The following CCDC85C variants were observed in gnomAD, a reference collection of about 807,000 sequenced individuals.
The protein encoded by CCDC85C is coiled-coil domain containing 85C, also known as coiled-coil domain-containing protein 85C.
CCDC85C carries 18 observed loss-of-function variants against 38.3 expected under a neutral mutation model. The ratio of observed to expected loss-of-function variants is 0.47; its 90% CI spans 0.33 to 0.70. The LOEUF (loss-of-function observed/expected upper bound fraction) is 0.70, where lower values mean the gene tolerates loss of function less well. Among genes scored for constraint, CCDC85C ranks in the 30% least tolerant of loss-of-function variants. The pLI is 0.03. For missense variants in CCDC85C, 566 were observed against 621.2 expected (o/e 0.91, Z 0.94); for synonymous variants, 264 against 293.8 (o/e 0.90, Z 1.04).
At chr14:99,517,302 C>CG in intron 3 of CCDC85C, 119 bp from the exon 4 acceptor site, 1 of 763,050 alleles carries the variant, frequency 1.3e-6, no homozygotes, top group Middle Eastern at 3.8e-4. Flanking sequence ...AAAAGGGGAC[C>CG]GGGGTGAGGC....
rs902553697 is a variant in CCDC85C, at chr14:99,502,058, T to C, written c.*13188A>G. On this transcript the variant is annotated 3_prime_UTR_variant, in exon 6 of 6. Transcript: ENST00000380243. ...ACTTAGTCGGGTACCTTTAGAAGAG[T>C]AAAGACTTGAGTTTATTTATTTATA... is the stretch of plus-strand genomic sequence containing the variant. 160 of 842,176 alleles carry C rather than the reference T, an allele frequency of 1.9e-4. No homozygotes were observed. The highest frequency in any genetic ancestry group is 3.6e-4 in the Middle Eastern group (1 of 2,740). The allele number at this position is 842,176 out of a possible 1,614,324, so 52.2% of individuals were successfully genotyped here. A position where few individuals can be genotyped will look rare whatever the true frequency, so the allele number is the denominator to read the frequency against.
rs1458364539 is a variant in CCDC85C at position 99,501,199 on chromosome 14, G to C, written c.*14047C>G. 7.8e-6 allele frequency: 5 copies of C among 638,336 alleles called. No homozygotes were observed. The highest frequency in any genetic ancestry group is 1.4e-5 in the Non-Finnish European group (5 of 357,566). The allele number at this position is 638,336 out of a possible 1,614,324, so 39.5% of individuals were successfully genotyped here. A position where few individuals can be genotyped will look rare whatever the true frequency, so the allele number is the denominator to read the frequency against. On this transcript the variant is annotated 3_prime_UTR_variant, in exon 6 of 6. Transcript: ENST00000380243. ...GGTCATGAGGAGGAAGAAGGGGTAG[G>C]ATGTGGACCCACATCATTCATCCTT...
At position 99,503,144 on chromosome 14, in the gene CCDC85C, CA is replaced by C; in HGVS notation, c.*12101del. 1.2e-6 allele frequency: 1 copy of C among 841,176 alleles called. No individual in the cohort carries two copies. Among genetic ancestry groups the C allele is most frequent in the Non-Finnish European group, 2.0e-6 (1 of 506,698 alleles). The allele number at this position is 841,176 out of a possible 1,614,324, so 52.1% of individuals were successfully genotyped here. A position where few individuals can be genotyped will look rare whatever the true frequency, so the allele number is the denominator to read the frequency against. On this transcript the variant is annotated 3_prime_UTR_variant, in exon 6 of 6. Coordinates refer to ENST00000380243, the MANE Select transcript of CCDC85C (RefSeq NM_001144995.2). ...TGCTTGTCGGTGGGGAGCCTGAAAA[CA>C]AAGGTGCTCCAAGGACAGGCTGCCT...
intron 1 of CCDC85C, among the ~76,000 whole-genome samples, chr14:99,540,215 C>G (rs368988234): frequency 3.9e-5 from 6 of 152,138 alleles, no homozygotes; most frequent in African/African-American, 1.4e-4. Flanking sequence ...CCCAATGAAG[C>G]AATGGACATT....
rs1439473986 is a variant in CCDC85C, at chr14:99,513,949, A to C, written c.*1297T>G. The C allele has an allele frequency of 6.6e-6, 1 of 152,272 alleles. No individual in the cohort carries two copies. The highest frequency in any genetic ancestry group is 1.9e-4 in the East Asian group (1 of 5,184). 9.4% of individuals were successfully genotyped at this position (152,272 alleles called of 1,614,324 possible). On this transcript the variant is annotated 3_prime_UTR_variant, in exon 6 of 6. Transcript: ENST00000380243. Reference sequence around the variant, plus strand: ...AGTTTATACATGGTCATTTACACTGAAGATCTCACTTGATGCCAGAATCCT... The same window carrying C: ...AGTTTATACATGGTCATTTACACTGCAGATCTCACTTGATGCCAGAATCCT...
Position 99,514,823 on chromosome 14 carries a change from G to A in CCDC85C, c.*423C>T, listed in dbSNP as rs1479137138. On this transcript the variant is annotated 3_prime_UTR_variant, in exon 6 of 6. Coordinates refer to ENST00000380243, the MANE Select transcript of CCDC85C (RefSeq NM_001144995.2). ...TGCCACCTGCGTCAAGACCCAGGTA[G>A]TGGTGGTCTCTGTCCAGTGTGGGTG... The A allele has an allele frequency of 3.1e-5, 5 of 161,696 alleles. No homozygotes were observed. The highest frequency in any genetic ancestry group is 5.5e-5 in the Non-Finnish European group (4 of 73,178). The allele number at this position is 161,696 out of a possible 1,614,324, so 10.0% of individuals were successfully genotyped here. A position where few individuals can be genotyped will look rare whatever the true frequency, so the allele number is the denominator to read the frequency against.
rs370608733 is a variant in CCDC85C, at chr14:99,502,278, G to A, written c.*12968C>T. ...GTAGCAGTGATGTATCTCGCAGGAC[G>A]TTTGTGCAAATTTGAAATACAAGAA... On this transcript the variant is annotated 3_prime_UTR_variant, in exon 6 of 6. Coordinates refer to ENST00000380243, the MANE Select transcript of CCDC85C (RefSeq NM_001144995.2). 3 of 1,610,464 alleles carry A rather than the reference G, an allele frequency of 1.9e-6. No homozygotes were observed. Among genetic ancestry groups the A allele is most frequent in the Non-Finnish European group, 2.5e-6 (3 of 1,178,428 alleles).
chr14:99,570,124 C>T (rs189350066), intron 1 of CCDC85C, among the ~76,000 whole-genome samples: 8 of 152,030 alleles, frequency 5.3e-5, no homozygotes, highest in Admixed American at 2.0e-4. Flanking sequence ...GGGGCATCCA[C>T]GCGCAGCTTT....
At position 99,512,410 on chromosome 14, in the gene CCDC85C, T is replaced by C. The variant is rs966250375; in HGVS notation, c.*2836A>G. ...AATATACACCTCTACCGCTCTGCAGTCATGCATTTAGTTTTAAGAAAAAAA... is the reference window on the plus strand; with the variant it reads ...AATATACACCTCTACCGCTCTGCAGCCATGCATTTAGTTTTAAGAAAAAAA... On this transcript the variant is annotated 3_prime_UTR_variant, in exon 6 of 6. Transcript: ENST00000380243. The C allele has an allele frequency of 1.3e-5, 2 of 151,174 alleles. No homozygotes were observed. The highest frequency in any genetic ancestry group is 4.9e-5 in the African/African-American group (2 of 40,688). 9.4% of individuals were successfully genotyped at this position (151,174 alleles called of 1,614,324 possible).
At position 99,603,282 on chromosome 14, in the gene CCDC85C, C is replaced by T; in HGVS notation, c.678G>A (p.Pro226=). ...CCTTGTGCGGCCCGGGGGGCAGCAG[C>T]GGGGGTGGGACGTGGTGGTGGTGGT... The part of the protein sequence containing the change: ...SPDHHHHVPP[P]LLPPGPHKAP... The change falls in exon 1 of 6, where the codon CCG becomes CCA. Residue 226 remains proline, a synonymous_variant. Transcript: ENST00000380243. This position sits in a 1 kb window ranked among gnomAD's most constrained non-coding sequence, Gnocchi z 7.5. 7.3e-7 allele frequency: 1 copy of T among 1,378,082 alleles called. No individual in the cohort carries two copies. The highest frequency in any genetic ancestry group is 9.3e-7 in the Non-Finnish European group (1 of 1,070,846). The allele number at this position is 1,378,082 out of a possible 1,614,324, so 85.4% of individuals were successfully genotyped here.
chr14:99,568,302 G>A (rs1022234762), intron 1 of CCDC85C, among the ~76,000 whole-genome samples: 4 of 138,464 alleles, frequency 2.9e-5, no homozygotes, highest in East Asian at 2.1e-4. Context: ...ACCCAGGCTG[G>A]AGTGCAATGG....
At chr14:99,573,286 C>T (rs1898397206) in intron 1 of CCDC85C, among the ~76,000 whole-genome samples, 1 of 152,322 alleles carries the variant, frequency 6.6e-6, no homozygotes, top group Non-Finnish European at 1.5e-5. Context: ...AGCAGGAACC[C>T]TCAGGGAGCC....
chr14:99,592,886 G>T (rs1324904091), intron 1 of CCDC85C, among the ~76,000 whole-genome samples: 2 of 152,236 alleles, frequency 1.3e-5, no homozygotes, highest in Non-Finnish European at 2.9e-5. Flanking sequence ...GCAAAGGCGA[G>T]GGGGAGAAGA....
chr14:99,515,398 A>G, intron 5 of CCDC85C, 63 bp from the exon 6 acceptor site: 1 of 1,220,962 alleles, frequency 8.2e-7, no homozygotes, highest in Non-Finnish European at 1.2e-6. Context: ...GCCTATGCAC[A>G]TCCGCCGCCT....
Position 99,515,350 on chromosome 14 carries a change from G to A in CCDC85C, c.1171-15C>T, listed in dbSNP as rs1157718362. The A allele has an allele frequency of 3.2e-6, 5 of 1,545,168 alleles. No homozygotes were observed. Among genetic ancestry groups the A allele is most frequent in the African/African-American group, 2.7e-5 (2 of 73,072 alleles). On this transcript the variant is annotated splice_polypyrimidine_tract_variant and intron_variant, in intron 5 of 5. Coordinates refer to ENST00000380243, the MANE Select transcript of CCDC85C (RefSeq NM_001144995.2). ...CTCCAGACCACCTGTGGAGAGGAGAGAGATGTGAGTGGTGGGACTCACCCG... is the reference window on the plus strand; with the variant it reads ...CTCCAGACCACCTGTGGAGAGGAGAAAGATGTGAGTGGTGGGACTCACCCG...
Position 99,558,609 on chromosome 14 carries a change from G to C in CCDC85C, c.794-22521C>G, listed in dbSNP as rs1898055676. Among the ~76,000 whole-genome samples the C allele has an allele frequency of 1.3e-5, 2 of 152,174 alleles. No individual in the cohort carries two copies. Among genetic ancestry groups the C allele is most frequent in the African/African-American group, 2.4e-5 (1 of 41,436 alleles). Reference sequence around the variant, plus strand: ...GCACTCCAGCCTGGAGATAGAGCGAGACTCTGTCTCAAAAAAATTAAATAA... The same window carrying C: ...GCACTCCAGCCTGGAGATAGAGCGACACTCTGTCTCAAAAAAATTAAATAA... On this transcript the variant is annotated intron_variant, in intron 1 of 5. Coordinates refer to ENST00000380243, the MANE Select transcript of CCDC85C (RefSeq NM_001144995.2). This position sits in a 1 kb window ranked among gnomAD's most constrained non-coding sequence, Gnocchi z 4.2.
At chr14:99,550,847 G>A (rs993740310) in intron 1 of CCDC85C, among the ~76,000 whole-genome samples, 1 of 152,152 alleles carries the variant, frequency 6.6e-6, no homozygotes, top group African/African-American at 2.4e-5. Context: ...GGGGACAGCG[G>A]TACCATAACA....
At position 99,510,692 on chromosome 14, in the gene CCDC85C, C is replaced by T. The variant is rs756324514; in HGVS notation, c.*4554G>A. 6 of 1,414,588 alleles carry T rather than the reference C, an allele frequency of 4.2e-6. No homozygotes were observed. The highest frequency in any genetic ancestry group is 5.5e-6 in the Non-Finnish European group (6 of 1,083,486). The allele number at this position is 1,414,588 out of a possible 1,614,324, so 87.6% of individuals were successfully genotyped here. A position where few individuals can be genotyped will look rare whatever the true frequency, so the allele number is the denominator to read the frequency against. ...CCAGCTACCCACCTCCTGCCGTCCC[C>T]CCTGGAGGACAGCCTCCTGTGCCCC... On this transcript the variant is annotated 3_prime_UTR_variant, in exon 6 of 6. Coordinates refer to ENST00000380243, the MANE Select transcript of CCDC85C (RefSeq NM_001144995.2).
intron 1 of CCDC85C, among the ~76,000 whole-genome samples, chr14:99,582,409 C>G (rs1182811579): frequency 6.6e-6 from 1 of 152,146 alleles, no homozygotes; most frequent in African/African-American, 2.4e-5. Flanking sequence ...AGGAATATCA[C>G]GTGGCAAAAT....
Sources: gnomAD v4.1 joint callset for allele counts (sites outside exome capture counted in the v4.1 genomes callset) on GRCh38, gnomAD v4.1.1 for gene constraint, Gnocchi (gnomAD v3.1) non-coding constraint, MANE v1.5 for transcripts, NCBI Gene and HGNC (gene_info 2026-07-23, HGNC 2026-07-21) for gene names.